The following METTL24 variants were observed in gnomAD, a reference collection of about 807,000 sequenced individuals.
METTL24 encodes the protein methyltransferase like 24.
In METTL24, 29 loss-of-function variants were observed where a neutral mutation model predicts 32.7. That is an observed-to-expected ratio of 0.89 (90% confidence interval 0.66 to 1.21). The LOEUF (loss-of-function observed/expected upper bound fraction) is 1.21, where lower values mean the gene tolerates loss of function less well. METTL24 is among the 50% of genes most tolerant of loss of function. The pLI is 0.00. For synonymous variants in METTL24, 163 were observed against 179.5 expected (o/e 0.91, Z 0.73); for missense variants, 439 against 468.1 (o/e 0.94, Z 0.57).
chr6:110,345,143 A>C (rs996876202), intron 1 of METTL24, among the ~76,000 whole-genome samples: 1 of 152,200 alleles, frequency 6.6e-6, no homozygotes, highest in Admixed American at 6.5e-5. Context: ...TCTAAAGAAG[A>C]TTTACATGCA....
intron 1 of METTL24, among the ~76,000 whole-genome samples, chr6:110,335,919 A>G (rs1772217514): frequency 6.6e-6 from 1 of 152,124 alleles, no homozygotes; most frequent in Admixed American, 6.6e-5. Flanking sequence ...GCTGCCTCCA[A>G]CCCAGGTCTG....
chr6:110,278,741 G>C (rs994454138), intron 4 of METTL24, among the ~76,000 whole-genome samples: 1 of 152,148 alleles, frequency 6.6e-6, no homozygotes, highest in Non-Finnish European at 1.5e-5. Context: ...ATAAAAACAG[G>C]CTGTTCATGG....
intron 4 of METTL24, among the ~76,000 whole-genome samples, chr6:110,281,484 T>C (rs1771134992): frequency 6.6e-6 from 1 of 151,570 alleles, no homozygotes; most frequent in Admixed American, 6.6e-5. Context: ...CTACTAAAAA[T>C]ACAAAAATTA....
intron 4 of METTL24, among the ~76,000 whole-genome samples, chr6:110,249,480 G>T (rs1348258871): frequency 6.6e-6 from 1 of 151,808 alleles, no homozygotes; most frequent in Non-Finnish European, 1.5e-5. Context: ...GAGAGTGCAG[G>T]CAGCCAAAAG....
intron 1 of METTL24, chr6:110,332,690 C>A (rs184301723): frequency 6.5e-6 from 1 of 154,052 alleles, no homozygotes; most frequent in Admixed American, 6.6e-5. Context: ...GGAGGATCAC[C>A]TAAGGCTAGG....
intron 4 of METTL24, among the ~76,000 whole-genome samples, chr6:110,254,625 A>C (rs1259868581): frequency 1.3e-5 from 2 of 152,170 alleles, no homozygotes; most frequent in Non-Finnish European, 2.9e-5. Context: ...GAGCAAGACT[A>C]TCTCAAAAGA....
chr6:110,336,761 A>C (rs1436469133), intron 1 of METTL24, among the ~76,000 whole-genome samples: 1 of 148,836 alleles, frequency 6.7e-6, no homozygotes, highest in Non-Finnish European at 1.5e-5. Flanking sequence ...AAAAAACAAA[A>C]AGATGGTTAT....
At chr6:110,253,898 T>G in intron 4 of METTL24, 1 of 1,465,580 alleles carries the variant, frequency 6.8e-7, no homozygotes, top group Non-Finnish European at 9.1e-7. Context: ...CCCTCAGAGC[T>G]TTCAGAATCT....
At chr6:110,262,497 G>A (rs1770755161) in intron 4 of METTL24, among the ~76,000 whole-genome samples, 1 of 152,070 alleles carries the variant, frequency 6.6e-6, no homozygotes, top group African/African-American at 2.4e-5. Context: ...CCAAAAAAAA[G>A]TCCAGGACCA....
At chr6:110,305,139 A>G (rs1354836454) in intron 3 of METTL24, among the ~76,000 whole-genome samples, 2 of 152,224 alleles carry the variant, frequency 1.3e-5, no homozygotes, top group African/African-American at 4.8e-5. Flanking sequence ...GGCCTGCCCT[A>G]CAAGAGCTCC....
intron 2 of METTL24, 140 bp from the exon 3 acceptor site, chr6:110,315,621 G>C (rs1582420700): frequency 1.2e-6 from 1 of 814,708 alleles, no homozygotes; most frequent in East Asian, 2.6e-5. Flanking sequence ...CCCCTCCCCA[G>C]GGAACCACAA....
intron 4 of METTL24, chr6:110,254,348 T>C (rs1778341684): frequency 6.5e-6 from 1 of 153,562 alleles, no homozygotes; most frequent in Non-Finnish European, 1.4e-5. Flanking sequence ...TAAAATTGAA[T>C]TATCAACCAG....
chr6:110,249,562 C>T (rs1778235375), intron 4 of METTL24, among the ~76,000 whole-genome samples: 1 of 152,082 alleles, frequency 6.6e-6, no homozygotes, highest in Non-Finnish European at 1.5e-5. Context: ...CGTCCCATTA[C>T]TGCAATGATT....
intron 4 of METTL24, among the ~76,000 whole-genome samples, chr6:110,294,710 A>C (rs984232073): frequency 4.6e-5 from 7 of 152,146 alleles, no homozygotes; most frequent in Admixed American, 2.0e-4. Flanking sequence ...AAAAGAATCT[A>C]GAATGTTATT....
At chr6:110,299,322 T>C (rs1268793824) in intron 3 of METTL24, among the ~76,000 whole-genome samples, 172 bp from the exon 4 acceptor site, 1 of 152,248 alleles carries the variant, frequency 6.6e-6, no homozygotes. Context: ...AAAAGCATTA[T>C]TGCTCAAAGC....
intron 2 of METTL24, among the ~76,000 whole-genome samples, chr6:110,318,602 A>C (rs1771870312): frequency 6.7e-6 from 1 of 149,708 alleles, no homozygotes; most frequent in Non-Finnish European, 1.5e-5. Flanking sequence ...CAGTGAGCCG[A>C]GATTGCGCCA....
chr6:110,343,369 A>G (rs1435165554), intron 1 of METTL24, among the ~76,000 whole-genome samples: 1 of 152,270 alleles, frequency 6.6e-6, no homozygotes, highest in Non-Finnish European at 1.5e-5. Context: ...AATAATAAGA[A>G]CAATGAACAT....
Position 110,254,759 on chromosome 6 carries a change from T to C in METTL24, c.787-8499A>G, listed in dbSNP as rs58556293. On this transcript the variant is annotated intron_variant, in intron 4 of 4. Transcript: ENST00000338882. Reference sequence around the variant, plus strand: ...AGTTTGGGTCAATATTCAATCACAATTTTAAAATAATTACATCAATACAAC... The same window carrying C: ...AGTTTGGGTCAATATTCAATCACAACTTTAAAATAATTACATCAATACAAC... Among the ~76,000 whole-genome samples, 554 of 152,340 alleles carry C rather than the reference T, an allele frequency of 3.6e-3. 6 individuals are homozygous for C. Among genetic ancestry groups the C allele is most frequent in the African/African-American group, 0.012 (480 of 41,580 alleles).
chr6:110,293,723 T>C (rs569214688), intron 4 of METTL24, among the ~76,000 whole-genome samples: 195 of 152,118 alleles, frequency 1.3e-3, no homozygotes, highest in African/African-American at 4.5e-3. Flanking sequence ...AGATTAGTGG[T>C]TACCAGGGGT....
Sources: allele counts gnomAD v4.1 joint callset (sites outside exome capture counted in the v4.1 genomes callset), GRCh38; gene constraint gnomAD v4.1.1; transcripts MANE v1.5; gene names NCBI Gene and HGNC (gene_info 2026-07-23, HGNC 2026-07-21).